The following C21orf91 variants were observed in gnomAD, a reference collection of about 807,000 sequenced individuals.
The protein encoded by C21orf91 is protein EURL homolog.
Under a neutral mutation model 32.9 loss-of-function variants are expected in C21orf91, and 26 were observed. The ratio of observed to expected loss-of-function variants is 0.79; its 90% CI spans 0.58 to 1.10. The LOEUF is 1.10. C21orf91 is among the 50% of genes least tolerant of loss of function. The probability of loss-of-function intolerance (pLI) is 0.00; values close to 1 mark genes in which losing one functional copy is unlikely to be tolerated. For missense variants in C21orf91, 310 were observed against 341.3 expected (o/e 0.91, Z 0.72); for synonymous variants, 126 against 120.4 (o/e 1.05, Z -0.31).
chr21:17,807,512 C>T (rs530943835), intron 2 of C21orf91, among the ~76,000 whole-genome samples: 1 of 152,250 alleles, frequency 6.6e-6, no homozygotes, highest in Admixed American at 6.5e-5. Flanking sequence ...GTGGAAGCGA[C>T]TTTGTAACAG....
At chr21:17,801,559 C>T (rs542995665) in intron 2 of C21orf91, among the ~76,000 whole-genome samples, 19 of 152,076 alleles carry the variant, frequency 1.2e-4, no homozygotes, top group African/African-American at 1.7e-4. Context: ...CTTGAGCCAC[C>T]GTGCCCGGCC....
chr21:17,811,482 CATT>C (rs1318351987), intron 2 of C21orf91: 1 of 152,116 alleles, frequency 6.6e-6, no homozygotes, highest in Non-Finnish European at 1.5e-5. Flanking sequence ...CTTCACAGGC[CATT>C]ATTATTTGCA....
In C21orf91 at chr21:17,808,442, G is replaced by T. The variant is rs563600293; in HGVS notation, c.127+9750C>A. Among the ~76,000 whole-genome samples, 21 of 152,344 alleles carry T rather than the reference G, an allele frequency of 1.4e-4. No homozygotes were observed. The South Asian group carries it at 4.3e-3, about 32-fold the overall frequency. On this transcript the variant is annotated intron_variant, in intron 2 of 4. Coordinates refer to ENST00000284881, the MANE Select transcript of C21orf91 (RefSeq NM_001100420.2). The stretch of plus-strand genomic sequence containing the variant: ...CCATCTACTAAGGCAGTGCAGATGG[G>T]AAATGTGGGGTTGGAGCCCCCACAA...
chr21:17,812,361 T>C (rs2062637834), intron 2 of C21orf91, among the ~76,000 whole-genome samples: 1 of 152,172 alleles, frequency 6.6e-6, no homozygotes, highest in East Asian at 1.9e-4. Context: ...TGTGAATGTG[T>C]CCCTCAAAGT....
At chr21:17,799,675 T>C (rs1330467525) in intron 2 of C21orf91, among the ~76,000 whole-genome samples, 2 of 152,090 alleles carry the variant, frequency 1.3e-5, no homozygotes, top group Non-Finnish European at 2.9e-5. Context: ...CCCAAATGTC[T>C]GGGTTAGTTT....
At chr21:17,805,479 A>T (rs1483802677) in intron 2 of C21orf91, among the ~76,000 whole-genome samples, 1 of 152,068 alleles carries the variant, frequency 6.6e-6, no homozygotes, top group East Asian at 1.9e-4. Context: ...ACACCTGGGT[A>T]GTTTTTGTAT....
At chr21:17,808,268 C>T (rs187892429) in intron 2 of C21orf91, among the ~76,000 whole-genome samples, 1 of 152,356 alleles carries the variant, frequency 6.6e-6, no homozygotes, top group East Asian at 1.9e-4. Flanking sequence ...AGCTGTAAGC[C>T]TTGGGGGCTT....
Position 17,796,637 on chromosome 21 carries a change from G to T in C21orf91, c.609C>A (p.Ile203=). 1.9e-6 allele frequency: 3 copies of T among 1,614,014 alleles called. No individual in the cohort carries two copies. The highest frequency in any genetic ancestry group is 2.2e-5 in the South Asian group (2 of 91,078). Residue 203 remains isoleucine (I), a synonymous_variant, in exon 3 of 5, where the codon ATC becomes ATA. Coordinates refer to ENST00000284881, the MANE Select transcript of C21orf91 (RefSeq NM_001100420.2). The part of the protein sequence containing the change: ...HNQAQKKEET[I]SSPEANVQTQ... The stretch of plus-strand genomic sequence containing the variant: ...TCTGGACATTAGCCTCTGGACTAGA[G>T]ATTGTCTCTTCTTTTTTCTGTGCCT...
intron 1 of C21orf91, among the ~76,000 whole-genome samples, 176 bp from the exon 2 acceptor site, chr21:17,818,501 G>A (rs1348644588): frequency 1.3e-5 from 2 of 152,200 alleles, no homozygotes; most frequent in East Asian, 1.9e-4. Context: ...CCTGTGGAAA[G>A]ACACAAAGCT....
chr21:17,812,391 C>T (rs1220452660), intron 2 of C21orf91, among the ~76,000 whole-genome samples: 1 of 152,090 alleles, frequency 6.6e-6, no homozygotes, highest in Non-Finnish European at 1.5e-5. Flanking sequence ...GGAAACAATC[C>T]TTAAAGCAAC....
intron 2 of C21orf91, among the ~76,000 whole-genome samples, chr21:17,807,514 T>C (rs2062605368): frequency 6.6e-6 from 1 of 152,148 alleles, no homozygotes; most frequent in Admixed American, 6.5e-5. Context: ...GGAAGCGACT[T>C]TGTAACAGGA....
At chr21:17,811,964 T>C (rs1479306540) in intron 2 of C21orf91, among the ~76,000 whole-genome samples, 5 of 151,980 alleles carry the variant, frequency 3.3e-5, no homozygotes, top group African/African-American at 1.2e-4. Flanking sequence ...AGAGGAAATA[T>C]CCTCACAACC....
rs960559278 is a variant in C21orf91, at chr21:17,793,291, G to A, written c.*124C>T. 5.0e-6 allele frequency: 3 copies of A among 600,750 alleles called. No homozygotes were observed. Among genetic ancestry groups the A allele is most frequent in the African/African-American group, 3.7e-5 (2 of 54,024 alleles). 37.2% of individuals were successfully genotyped at this position (600,750 alleles called of 1,614,324 possible). ...TTATTTGACAAAGATGTTAAATACT[G>A]CCTTATGTTTGGCAAATTTAATGAC... On this transcript the variant is annotated 3_prime_UTR_variant, in exon 5 of 5. Transcript: ENST00000284881.
chr21:17,815,740 A>C (rs973700420), intron 2 of C21orf91, among the ~76,000 whole-genome samples: 2 of 152,050 alleles, frequency 1.3e-5, no homozygotes, highest in Admixed American at 6.6e-5. Context: ...AGCTCACTGC[A>C]ACCTCCACCT....
In C21orf91 at chr21:17,792,163, T is replaced by TTA. The variant is rs1275260432; in HGVS notation, c.*1250_*1251dup. The TTA allele has an allele frequency of 6.6e-6, 1 of 152,190 alleles. No homozygotes were observed. The highest frequency in any genetic ancestry group is 1.5e-5 in the Non-Finnish European group (1 of 68,010). The allele number at this position is 152,190 out of a possible 1,614,324, so 9.4% of individuals were successfully genotyped here. On this transcript the variant is annotated 3_prime_UTR_variant, in exon 5 of 5. Coordinates refer to ENST00000284881, the MANE Select transcript of C21orf91 (RefSeq NM_001100420.2). The stretch of plus-strand genomic sequence containing the variant: ...AGAGCCCATTTTAATTCTGCATTGG[T>TTA]TATAGCCTTTACTGTAATACATTAT...
intron 2 of C21orf91, among the ~76,000 whole-genome samples, chr21:17,812,435 G>C (rs1162578134): frequency 1.3e-5 from 2 of 152,180 alleles, no homozygotes; most frequent in African/African-American, 4.8e-5. Flanking sequence ...AGGTGATTAG[G>C]TAATGAGGGC....
At chr21:17,814,374 TGTAA>T (rs1319167104) in intron 2 of C21orf91, among the ~76,000 whole-genome samples, 1 of 152,226 alleles carries the variant, frequency 6.6e-6, no homozygotes, top group African/African-American at 2.4e-5. Flanking sequence ...GGGTCAAGGC[TGTAA>T]GTATTTAGGA....
At chr21:17,817,699 C>T (rs1478380619) in intron 2 of C21orf91, 1 of 151,886 alleles carries the variant, frequency 6.6e-6, no homozygotes, top group African/African-American at 2.4e-5. Flanking sequence ...TTAAAAATTA[C>T]CAACAGTGTG....
intron 2 of C21orf91, among the ~76,000 whole-genome samples, chr21:17,809,304 A>T (rs1018161551): frequency 2.6e-5 from 4 of 152,244 alleles, no homozygotes; most frequent in African/African-American, 9.6e-5. Flanking sequence ...ACAGTAATAT[A>T]AAAACTTTAA....
Sources: allele counts gnomAD v4.1 joint callset (sites outside exome capture counted in the v4.1 genomes callset), GRCh38; gene constraint gnomAD v4.1.1; transcripts MANE v1.5; gene names NCBI Gene and HGNC (gene_info 2026-07-23, HGNC 2026-07-21).